Variants in DAG1 observed in about 807,000 individuals in gnomAD.
DAG1 encodes dystroglycan 1 (dystrophin-associated glycoprotein 1).
Under a neutral mutation model 46.1 loss-of-function variants are expected in DAG1, and 8 were observed. That is an observed-to-expected ratio of 0.17 (90% CI 0.10 to 0.31). The LOEUF is 0.31. Ranked by LOEUF, DAG1 falls within the 10% of genes least tolerant of loss-of-function variation. DAG1 has a pLI of 1.00. For missense variants in DAG1, 1,003 were observed against 1,189.9 expected, an observed-to-expected ratio of 0.84 and a Z score of 2.31; for synonymous variants, 495 against 481.8, an observed-to-expected ratio of 1.03 and a Z score of -0.36.
chr3:49,523,657 T>A (rs991455902), intron 2 of DAG1, among the ~76,000 whole-genome samples: 1 of 152,134 alleles, frequency 6.6e-6, no homozygotes, highest in African/African-American at 2.4e-5. Context: ...GGGTCCAAGG[T>A]CAGTTGGGAA....
At chr3:49,492,327 C>T (rs1367241618) in intron 1 of DAG1, among the ~76,000 whole-genome samples, 1 of 152,264 alleles carries the variant, frequency 6.6e-6, no homozygotes, top group Non-Finnish European at 1.5e-5. Context: ...CAAAATAAGA[C>T]CTTTAAGTAG....
chr3:49,531,859 A>G lies in DAG1; in HGVS notation c.1348A>G (p.Thr450Ala). ...CACCACCACCACGACTCGCAGGCCAACCAAGAAACCACGGACACCCCGGCC... is the reference window on the plus strand; with the variant it reads ...CACCACCACCACGACTCGCAGGCCAGCCAAGAAACCACGGACACCCCGGCC... ...DSTTTTTRRP[T>A]KKPRTPRPVP... is the part of the protein sequence containing the mutation. The change falls in exon 3 of 3, where the codon ACC (threonine) becomes GCC (alanine). Residue 450 changes from threonine (T) to alanine (A), a missense_variant. Physicochemically the swap from Thr to Ala is moderately conservative, Grantham distance 58 (BLOSUM62 0). Transcript: ENST00000308775. This position sits in a 1 kb window ranked among gnomAD's most constrained non-coding sequence, Gnocchi z 7.0. The G allele has an allele frequency of 6.2e-7, 1 of 1,614,010 alleles. No homozygotes were observed. Among genetic ancestry groups the G allele is most frequent in the African/African-American group, 1.3e-5 (1 of 74,970 alleles).
chr3:49,507,982 G>T (rs2050652936), intron 1 of DAG1, among the ~76,000 whole-genome samples: 1 of 151,282 alleles, frequency 6.6e-6, no homozygotes, highest in Non-Finnish European at 1.5e-5. Flanking sequence ...TTTTTCTTTT[G>T]ATGTCTGCAA....
rs767716751 is a variant in DAG1 at position 49,533,071 on chromosome 3, C to G, written c.2560C>G (p.Arg854Gly). 1 of 1,614,054 alleles carries G rather than the reference C, an allele frequency of 6.2e-7. No individual in the cohort carries two copies. The highest frequency in any genetic ancestry group is 8.5e-7 in the Non-Finnish European group (1 of 1,180,032). ...QDTMGEYTPLRDEDPNAPPYQ... is the reference protein window; with the variant it reads ...QDTMGEYTPLGDEDPNAPPYQ... ...CACCATGGGAGAGTACACGCCCCTG[C>G]GGGATGAGGATCCCAATGCGCCTCC... The change falls in exon 3 of 3, where the codon CGG becomes GGG. Residue 854 changes from arginine to glycine, a missense_variant. Arg to Gly is a moderately radical substitution (Grantham distance 125, BLOSUM62 -2). Around this residue, in one of 3 missense-constraint regions of DAG1, gnomAD observed 755 missense variants for 854.1 expected, o/e 0.88. Transcript: ENST00000308775.
In DAG1 at chr3:49,510,756, C is replaced by T. The variant is rs150727558; in HGVS notation, c.222C>T (p.Val74=). 16 of 1,614,068 alleles carry T rather than the reference C, an allele frequency of 9.9e-6. No homozygotes were observed. The highest frequency in any genetic ancestry group is 5.3e-5 in the African/African-American group (4 of 74,918). The change falls in exon 2 of 3, where the codon GTC becomes GTT. Residue 74 remains valine (V), a synonymous_variant. Coordinates refer to ENST00000308775, the MANE Select transcript of DAG1 (RefSeq NM_004393.6). Reference sequence around the variant, plus strand: ...GCATTCCTGATGGCACGGCTGTCGTCGGGCGCTCATTTCGAGTGACCATTC... The same window carrying T: ...GCATTCCTGATGGCACGGCTGTCGTTGGGCGCTCATTTCGAGTGACCATTC... The part of the protein sequence containing the change: ...VVGIPDGTAV[V]GRSFRVTIPT...
chr3:49,509,014 C>T (rs981789259), intron 1 of DAG1, among the ~76,000 whole-genome samples: 6 of 152,164 alleles, frequency 3.9e-5, no homozygotes, highest in Admixed American at 6.5e-5. Context: ...CCTATAGAGT[C>T]TTACTACCAT....
Position 49,532,146 on chromosome 3 carries a change from G to A in DAG1, c.1635G>A (p.Leu545=). The change falls in exon 3 of 3, where the codon CTG becomes CTA. Residue 545 remains leucine, a synonymous_variant. Transcript: ENST00000308775. The surrounding 1 kb of genome is among the most constrained non-coding windows in gnomAD (Gnocchi z 5.4). ...KLTLKLREQQ[L]VGEKSWVQFN... ...CCCTGAAACTGCGGGAGCAGCAGCT[G>A]GTGGGCGAGAAGTCCTGGGTACAGT... The A allele has an allele frequency of 6.2e-7, 1 of 1,614,242 alleles. No individual in the cohort carries two copies. The highest frequency in any genetic ancestry group is 8.5e-7 in the Non-Finnish European group (1 of 1,180,046).
At chr3:49,494,270 T>C (rs1184488097) in intron 1 of DAG1, among the ~76,000 whole-genome samples, 1 of 152,198 alleles carries the variant, frequency 6.6e-6, no homozygotes, top group East Asian at 1.9e-4. Context: ...ATAAATATTC[T>C]GCAGTGAATA....
chr3:49,474,202 A>G (rs6770721), intron 1 of DAG1, among the ~76,000 whole-genome samples: 148,440 of 152,092 alleles, frequency 0.98, 72,548 homozygotes, highest in Middle Eastern at 1. Context: ...CTACAGGCGC[A>G]TGCCACCACA....
chr3:49,508,382 A>ATTTGTT (rs1223900438), intron 1 of DAG1, among the ~76,000 whole-genome samples: 1 of 149,250 alleles, frequency 6.7e-6, no homozygotes, highest in Admixed American at 6.7e-5. Flanking sequence ...TTGTATTTGT[A>ATTTGTT]TTTGTTTGTG....
rs2107648206 is a variant in DAG1, at chr3:49,510,715, G to A, written c.181G>A (p.Val61Ile). ...HSVLSDLHEA[V>I]PTVVGIPDGT... ...AGTGCTCTCAGACCTCCACGAGGCT[G>A]TTCCCACAGTGGTTGGCATTCCTGA... The change falls in exon 2 of 3, where the codon GTT becomes ATT. Residue 61 changes from valine (V) to isoleucine (I), a missense_variant. Around this residue, in one of 3 missense-constraint regions of DAG1, gnomAD observed 196 missense variants for 239.1 expected, o/e 0.82. Transcript: ENST00000308775. 6.2e-7 allele frequency: 1 copy of A among 1,614,208 alleles called. No individual in the cohort carries two copies. Among genetic ancestry groups the A allele is most frequent in the Non-Finnish European group, 8.5e-7 (1 of 1,180,044 alleles).
chr3:49,533,175 A>G lies in DAG1; in HGVS notation c.2664A>G (p.Ser888=). 1.9e-6 allele frequency: 3 copies of G among 1,613,472 alleles called. No individual in the cohort carries two copies. Among genetic ancestry groups the G allele is most frequent in the Non-Finnish European group, 2.5e-6 (3 of 1,179,966 alleles). Residue 888 remains serine (S), a synonymous_variant, in exon 3 of 3, where the codon TCA becomes TCG. Transcript: ENST00000308775. Reference sequence around the variant, plus strand: ...CCAAGAACATGACCCCATACCGGTCACCTCCTCCCTATGTCCCACCTTAAC... The same window carrying G: ...CCAAGAACATGACCCCATACCGGTCGCCTCCTCCCTATGTCCCACCTTAAC... The part of the protein sequence containing the change: ...SRPKNMTPYR[S]PPPYVPP
chr3:49,506,480 A>G (rs1002524527), intron 1 of DAG1, among the ~76,000 whole-genome samples: 6 of 151,870 alleles, frequency 4.0e-5, no homozygotes, highest in South Asian at 2.1e-4. Context: ...CTCTGTTCCT[A>G]TTTGTCTGAG....
In DAG1 at chr3:49,528,275, A is replaced by ATTTTTTTTTTTT. The variant is rs147292984; in HGVS notation, c.286-2506_286-2495dup. On this transcript the variant is annotated intron_variant, in intron 2 of 2. Transcript: ENST00000308775. The stretch of plus-strand genomic sequence containing the variant: ...CAGCCAAAACATTTGAAATAGTGTG[A>ATTTTTTTTTTTT]TTTTTTTTTTTTTTTTTTTTTTTTT... 6.0e-3 allele frequency among the ~76,000 whole-genome samples: 398 copies of ATTTTTTTTTTTT among 66,620 alleles called. 74 individuals are homozygous for ATTTTTTTTTTTT. Among genetic ancestry groups the ATTTTTTTTTTTT allele is most frequent in the Middle Eastern group, 0.014 (1 of 72 alleles). The allele number at this position is 66,620 out of a possible 152,430, so 43.7% of individuals were successfully genotyped here. A position where few individuals can be genotyped will look rare whatever the true frequency, so the allele number is the denominator to read the frequency against.
At chr3:49,524,468 G>A (rs1234446890) in intron 2 of DAG1, among the ~76,000 whole-genome samples, 2 of 149,908 alleles carry the variant, frequency 1.3e-5, no homozygotes, top group Non-Finnish European at 3.0e-5. Flanking sequence ...TGAAGCCTAG[G>A]AGTTCAAGAC....
intron 1 of DAG1, among the ~76,000 whole-genome samples, chr3:49,475,701 C>CTTTTTTT (rs398038718): frequency 7.3e-6 from 1 of 136,230 alleles, no homozygotes; most frequent in South Asian, 2.3e-4. Flanking sequence ...TTTTCTTTTT[C>CTTTTTTT]TTTTTTTTTT....
chr3:49,509,381 C>T (rs2050701302), intron 1 of DAG1, among the ~76,000 whole-genome samples: 1 of 152,152 alleles, frequency 6.6e-6, no homozygotes, highest in Non-Finnish European at 1.5e-5. Context: ...ACACTGTACT[C>T]TATCCTGGGC....
intron 1 of DAG1, among the ~76,000 whole-genome samples, chr3:49,476,166 G>T (rs552111370): frequency 6.6e-6 from 1 of 152,184 alleles, no homozygotes; most frequent in East Asian, 1.9e-4. Flanking sequence ...AACTTTAGCA[G>T]TATGTTGACT....
At chr3:49,497,983 T>A (rs1301479779) in intron 1 of DAG1, among the ~76,000 whole-genome samples, 1 of 152,248 alleles carries the variant, frequency 6.6e-6, no homozygotes, top group Non-Finnish European at 1.5e-5. Context: ...GCCCTTTGTT[T>A]ATCTGTGATA....
Sources: gnomAD v4.1 joint callset for allele counts (sites outside exome capture counted in the v4.1 genomes callset) on GRCh38, gnomAD v4.1.1 for gene constraint, gnomAD v4.1.1 regional missense constraint, Gnocchi (gnomAD v3.1) non-coding constraint, MANE v1.5 for transcripts, NCBI Gene and HGNC (gene_info 2026-07-23, HGNC 2026-07-21) for gene names.